The following ADAD1 variants were observed in gnomAD, a reference collection of about 807,000 sequenced individuals.
ADAD1 encodes the protein adenosine deaminase domain-containing protein 1.
In ADAD1, 46 loss-of-function variants were observed where a neutral mutation model predicts 66.8. The ratio of observed to expected loss-of-function variants is 0.69; its 90% confidence interval spans 0.54 to 0.88. ADAD1 has a LOEUF of 0.88. ADAD1 is among the 40% of genes least tolerant of loss of function. ADAD1 has a pLI of 0.00. For missense variants in ADAD1, 617 were observed against 681.8 expected (o/e 0.91, Z 1.06); for synonymous variants, 248 against 229.4 (o/e 1.08, Z -0.73).
At chr4:122,418,557 C>T (rs561759795) in intron 11 of ADAD1, among the ~76,000 whole-genome samples, 7 of 152,160 alleles carry the variant, frequency 4.6e-5, no homozygotes, top group Non-Finnish European at 5.9e-5. Context: ...CTCCTGACCT[C>T]ATGATCCGCC....
intron 8 of ADAD1, among the ~76,000 whole-genome samples, chr4:122,409,006 T>G (rs1449285094): frequency 6.6e-6 from 1 of 152,214 alleles, no homozygotes; most frequent in Non-Finnish European, 1.5e-5. Flanking sequence ...ATTTCACCCC[T>G]GAATTAGCCA....
intron 5 of ADAD1, among the ~76,000 whole-genome samples, chr4:122,391,497 C>T (rs907049545): frequency 3.3e-5 from 5 of 152,160 alleles, no homozygotes; most frequent in African/African-American, 1.2e-4. Context: ...GAGACTATGG[C>T]CACCCCTCCC....
rs1796518006 is a variant in ADAD1, at chr4:122,412,641, G to A, written c.1081G>A (p.Ala361Thr). 6.2e-6 allele frequency: 10 copies of A among 1,613,856 alleles called. No homozygotes were observed. In the East Asian group the frequency reaches 1.3e-4, roughly 22 times the overall value. The change falls in exon 10 of 13, where the codon GCT becomes ACT. Residue 361 changes from alanine to threonine, a missense_variant. Physicochemically the swap from Ala to Thr is moderately conservative, Grantham distance 58. Coordinates refer to ENST00000296513, the MANE Select transcript of ADAD1 (RefSeq NM_139243.4). The part of the protein sequence containing the change: ...EANEELCLHV[A>T]VEGKIYLTVY... The stretch of plus-strand genomic sequence containing the variant: ...CAATGAAGAACTCTGTCTCCACGTG[G>A]CTGTTGAAGGCAAAATTTATCTGAC...
chr4:122,417,072 C>T (rs900498490), intron 11 of ADAD1, among the ~76,000 whole-genome samples: 2 of 152,116 alleles, frequency 1.3e-5, no homozygotes, highest in Admixed American at 1.3e-4. Context: ...CAGTGGCTCA[C>T]GCCTATAACC....
At chr4:122,420,687 A>G (rs1351963020) in intron 11 of ADAD1, among the ~76,000 whole-genome samples, 4 of 152,202 alleles carry the variant, frequency 2.6e-5, no homozygotes, top group Non-Finnish European at 5.9e-5. Context: ...TAAAGGGGAA[A>G]AGTTACAGTA....
intron 8 of ADAD1, among the ~76,000 whole-genome samples, chr4:122,408,360 C>G (rs1796311773): frequency 6.6e-6 from 1 of 152,226 alleles, no homozygotes; most frequent in African/African-American, 2.4e-5. Flanking sequence ...ACTGCAACCT[C>G]TGGCTTCCAG....
intron 12 of ADAD1, among the ~76,000 whole-genome samples, chr4:122,427,548 T>TTTC (rs1225083017): frequency 1.0e-4 from 15 of 145,710 alleles, no homozygotes; most frequent in Admixed American, 6.2e-4. Context: ...TTTTTTTTTT[T>TTTC]TCCTGATGCG....
At chr4:122,410,489 T>A (rs1273091346) in intron 8 of ADAD1, among the ~76,000 whole-genome samples, 1 of 152,186 alleles carries the variant, frequency 6.6e-6, no homozygotes, top group African/African-American at 2.4e-5. Context: ...AAAAAAAAAT[T>A]TGAATTTTAA....
At chr4:122,419,407 T>A (rs937936702) in intron 11 of ADAD1, among the ~76,000 whole-genome samples, 5 of 151,986 alleles carry the variant, frequency 3.3e-5, no homozygotes, top group Non-Finnish European at 7.4e-5. Flanking sequence ...AGGGAGACGA[T>A]CAGGAAAAAT....
At chr4:122,411,541 A>C (rs928782125) in intron 9 of ADAD1, 149 bp downstream of exon 9, 2 of 751,808 alleles carry the variant, frequency 2.7e-6, no homozygotes, top group Non-Finnish European at 4.1e-6. Context: ...AGGAGACCCC[A>C]AATCCTTTTC....
At chr4:122,406,027 C>T (rs1796195458) in intron 7 of ADAD1, among the ~76,000 whole-genome samples, 1 of 152,060 alleles carries the variant, frequency 6.6e-6, no homozygotes, top group Non-Finnish European at 1.5e-5. Flanking sequence ...GTGAATAATG[C>T]TACAGTGAAC....
intron 5 of ADAD1, among the ~76,000 whole-genome samples, chr4:122,385,715 C>A: frequency 6.6e-6 from 1 of 152,100 alleles, no homozygotes; most frequent in Non-Finnish European, 1.5e-5. Context: ...CCTAAAAGGC[C>A]CTGGTGTGTG....
rs1171243346 is a variant in ADAD1 at position 122,396,169 on chromosome 4, A to T, written c.599-83A>T. ...TGTCTATATATTATTAAATAATTTG[A>T]TTGTAAGGTTATAATAAGAATAATA... On this transcript the variant is annotated intron_variant, in intron 6 of 12. Transcript: ENST00000296513. 7.7e-6 allele frequency: 9 copies of T among 1,167,656 alleles called. No homozygotes were observed. The East Asian group carries it at 2.6e-4, about 34-fold the overall frequency. 72.3% of individuals were successfully genotyped at this position (1,167,656 alleles called of 1,614,324 possible). A position where few individuals can be genotyped will look rare whatever the true frequency, so the allele number is the denominator to read the frequency against.
At chr4:122,401,677 G>C (rs538991805) in intron 7 of ADAD1, among the ~76,000 whole-genome samples, 2 of 152,186 alleles carry the variant, frequency 1.3e-5, no homozygotes, top group East Asian at 3.9e-4. Context: ...GTGAGCTCCA[G>C]TGTTAAGTGC....
At chr4:122,426,089 G>T (rs142524160) in intron 12 of ADAD1, among the ~76,000 whole-genome samples, 2 of 151,656 alleles carry the variant, frequency 1.3e-5, no homozygotes, top group African/African-American at 4.8e-5. Context: ...AGTTAAACTC[G>T]GTAATCCTTT....
chr4:122,391,310 G>A (rs1399951112), intron 5 of ADAD1, among the ~76,000 whole-genome samples: 1 of 152,174 alleles, frequency 6.6e-6, no homozygotes, highest in East Asian at 1.9e-4. Flanking sequence ...TAAGGTGCCT[G>A]ACAACCCCTG....
chr4:122,391,501 C>T (rs1795441819), intron 5 of ADAD1, among the ~76,000 whole-genome samples: 1 of 152,172 alleles, frequency 6.6e-6, no homozygotes, highest in African/African-American at 2.4e-5. Flanking sequence ...CTATGGCCAC[C>T]CCTCCCACTT....
chr4:122,415,634 C>A lies in ADAD1; in HGVS notation c.1487+18C>A, dbSNP rs768598344. The A allele has an allele frequency of 8.2e-6, 13 of 1,593,428 alleles. No homozygotes were observed. Among genetic ancestry groups the A allele is most frequent in the Non-Finnish European group, 1.1e-5 (13 of 1,162,474 alleles). Reference sequence around the variant, plus strand: ...ACTGAAAGGTTAAAATTACTAATTTCTTTAAACCATATATTACTTAAGCAA... The same window carrying A: ...ACTGAAAGGTTAAAATTACTAATTTATTTAAACCATATATTACTTAAGCAA... On this transcript the variant is annotated intron_variant, in intron 11 of 12. Coordinates refer to ENST00000296513, the MANE Select transcript of ADAD1 (RefSeq NM_139243.4).
chr4:122,411,436 A>G (rs974127300), intron 9 of ADAD1, 44 bp downstream of exon 9: 1 of 1,531,598 alleles, frequency 6.5e-7, no homozygotes, highest in African/African-American at 1.4e-5. Context: ...TAGGATGGCC[A>G]TGCCATACAT....
Sources: allele counts gnomAD v4.1 joint callset (sites outside exome capture counted in the v4.1 genomes callset), GRCh38; gene constraint gnomAD v4.1.1; transcripts MANE v1.5; gene names NCBI Gene and HGNC (gene_info 2026-07-23, HGNC 2026-07-21).